EPB41L3: variants seen among roughly 807,000 people sequenced by gnomAD.
EPB41L3 encodes band 4.1-like protein 3.
Under a neutral mutation model 127.1 loss-of-function variants are expected in EPB41L3, and 57 were observed. The observed-to-expected ratio is 0.45, with a 90% CI of 0.36 to 0.56. The LOEUF (loss-of-function observed/expected upper bound fraction) is 0.56, where lower values mean the gene tolerates loss of function less well. Ranked by LOEUF, EPB41L3 falls within the 20% of genes least tolerant of loss-of-function variation. EPB41L3 has a pLI of 0.00. For synonymous variants in EPB41L3, 572 were observed against 549.5 expected (o/e 1.04, Z -0.57); for missense variants, 1,273 against 1,372.2 (o/e 0.93, Z 1.14).
In EPB41L3 at chr18:5,582,885, G is replaced by A. The variant is rs1042289758; in HGVS notation, c.-306+29455C>T. 2.6e-5 allele frequency among the ~76,000 whole-genome samples: 4 copies of A among 152,236 alleles called. No individual in the cohort carries two copies. In the East Asian group the frequency reaches 5.8e-4, roughly 22 times the overall value. ...AAGCTGGAGCGTCAGCAGAGGCAGT[G>A]AGGCATGCCCGGGAGTGGGGGCAGC... On this transcript the variant is annotated intron_variant, in intron 3 of 21. Coordinates refer to the EPB41L3 transcript ENST00000545076.
intron 3 of EPB41L3, among the ~76,000 whole-genome samples, chr18:5,453,644 C>G (rs1367901134): frequency 2.0e-5 from 3 of 152,160 alleles, no homozygotes; most frequent in Admixed American, 6.5e-5. Context: ...TTCATTCTCT[C>G]CATCACCTAT....
intron 5 of EPB41L3, among the ~76,000 whole-genome samples, chr18:5,443,363 TG>T (rs1319612809): frequency 1.3e-5 from 2 of 152,268 alleles, no homozygotes; most frequent in Admixed American, 6.5e-5. Context: ...ATTTTAAATT[TG>T]TGACTTGCTC....
rs574192753 is a variant in EPB41L3, at chr18:5,583,695, A to T, written c.-306+28645T>A. 3.3e-5 allele frequency among the ~76,000 whole-genome samples: 5 copies of T among 152,342 alleles called. No individual in the cohort carries two copies. In the East Asian group the frequency reaches 9.6e-4, roughly 29 times the overall value. ...TTTTCCCCTTAAATGCTGTTATTAAATTGATGGGGTAATCATACAGCATCT... is the reference window on the plus strand; with the variant it reads ...TTTTCCCCTTAAATGCTGTTATTAATTTGATGGGGTAATCATACAGCATCT... On this transcript the variant is annotated intron_variant, in intron 3 of 21. Transcript: ENST00000545076.
At chr18:5,560,136 T>G (rs1329016688) in intron 3 of EPB41L3, among the ~76,000 whole-genome samples, 1 of 152,256 alleles carries the variant, frequency 6.6e-6, no homozygotes, top group East Asian at 1.9e-4. Context: ...GGATTAGGTT[T>G]TTCTGCAACT....
intron 3 of EPB41L3, chr18:5,577,369 A>C: frequency 2.2e-6 from 1 of 453,652 alleles, no homozygotes; most frequent in Non-Finnish European, 4.4e-6. Flanking sequence ...AGATAGAGAC[A>C]GATGAAAGAT....
chr18:5,531,655 G>A (rs2093413982), intron 1 of EPB41L3, among the ~76,000 whole-genome samples: 1 of 149,842 alleles, frequency 6.7e-6, no homozygotes, highest in South Asian at 2.1e-4. Context: ...CCTGGGAGGT[G>A]GAGGTAGAGG....
At chr18:5,613,759 A>G (rs536479486) in intron 2 of EPB41L3, among the ~76,000 whole-genome samples, 1 of 152,378 alleles carries the variant, frequency 6.6e-6, no homozygotes, top group Admixed American at 6.5e-5. Context: ...TCTTCTGCTA[A>G]GCTAGGCATT....
At chr18:5,590,614 T>C (rs1367772041) in intron 3 of EPB41L3, among the ~76,000 whole-genome samples, 2 of 152,262 alleles carry the variant, frequency 1.3e-5, no homozygotes, top group East Asian at 1.9e-4. Context: ...TGAACATTTA[T>C]AGCAGGTCTA....
At chr18:5,419,068 T>C (rs1392640524) in intron 12 of EPB41L3, among the ~76,000 whole-genome samples, 4 of 152,232 alleles carry the variant, frequency 2.6e-5, no homozygotes, top group Non-Finnish European at 4.4e-5. Context: ...GAAAAAAACA[T>C]AGTGTTTAAA....
At chr18:5,471,983 C>T (rs987001035) in intron 3 of EPB41L3, among the ~76,000 whole-genome samples, 2 of 152,162 alleles carry the variant, frequency 1.3e-5, no homozygotes, top group African/African-American at 4.8e-5. Flanking sequence ...AGTCACTCAG[C>T]TTCCAAAACA....
intron 1 of EPB41L3, among the ~76,000 whole-genome samples, chr18:5,623,702 C>A (rs2094890771): frequency 1.3e-5 from 2 of 151,376 alleles, no homozygotes; most frequent in Non-Finnish European, 2.9e-5. Flanking sequence ...GGCTGGACTG[C>A]AGTGGTGCAA....
intron 3 of EPB41L3, among the ~76,000 whole-genome samples, chr18:5,447,825 T>C (rs2081730238): frequency 6.6e-6 from 1 of 152,162 alleles, no homozygotes; most frequent in Non-Finnish European, 1.5e-5. Context: ...TATTAATGAG[T>C]CCCATCCTTC....
At chr18:5,415,255 T>C (rs1471284503) in intron 13 of EPB41L3, among the ~76,000 whole-genome samples, 2 of 152,326 alleles carry the variant, frequency 1.3e-5, no homozygotes, top group African/African-American at 4.8e-5. Context: ...ATGCGGGATC[T>C]GATTGACTGA....
At chr18:5,442,178 C>T (rs939000057) in intron 5 of EPB41L3, among the ~76,000 whole-genome samples, 2 of 152,130 alleles carry the variant, frequency 1.3e-5, no homozygotes, top group Admixed American at 6.5e-5. Flanking sequence ...TTTAGTAACT[C>T]TTTAATACTC....
At chr18:5,479,001 A>G (rs542955686) in intron 2 of EPB41L3, among the ~76,000 whole-genome samples, 9 of 152,238 alleles carry the variant, frequency 5.9e-5, no homozygotes, top group Non-Finnish European at 1.2e-4. Flanking sequence ...AATTCATCAC[A>G]AAGTAATCCC....
At chr18:5,553,279 A>G (rs1342928564) in intron 3 of EPB41L3, among the ~76,000 whole-genome samples, 2 of 152,142 alleles carry the variant, frequency 1.3e-5, no homozygotes, top group Non-Finnish European at 2.9e-5. Flanking sequence ...TGTGCACATT[A>G]TCTCTTTGTT....
intron 1 of EPB41L3, among the ~76,000 whole-genome samples, chr18:5,623,200 A>G (rs532486096): frequency 6.6e-6 from 1 of 152,250 alleles, no homozygotes; most frequent in Admixed American, 6.5e-5. Flanking sequence ...GTGTGACCAA[A>G]TGTTTGCACA....
chr18:5,536,382 A>C (rs899294892), intron 1 of EPB41L3, among the ~76,000 whole-genome samples: 1 of 151,442 alleles, frequency 6.6e-6, no homozygotes, highest in Non-Finnish European at 1.5e-5. Context: ...TCATTAAGGT[A>C]ATGATCCTTT....
rs532956864 is a variant in EPB41L3, at chr18:5,427,805, G to A, written c.1065+508C>T. ...CTGTTGCTCAGGCTGGAGTGCAGTG[G>A]CACGATCTCGGCTCACTGCAAGCTC... On this transcript the variant is annotated intron_variant, in intron 9 of 22. Transcript: ENST00000341928. 4.2e-3 allele frequency among the ~76,000 whole-genome samples: 640 copies of A among 152,140 alleles called. 2 individuals are homozygous for A. The highest frequency in any genetic ancestry group is 0.014 in the African/African-American group (594 of 41,524).
Sources: allele counts gnomAD v4.1 joint callset (sites outside exome capture counted in the v4.1 genomes callset), GRCh38; gene constraint gnomAD v4.1.1; transcripts MANE v1.5; gene names NCBI Gene and HGNC (gene_info 2026-07-23, HGNC 2026-07-21).